Variants in MICU3 observed in about 807,000 individuals in gnomAD.
MICU3 encodes the protein mitochondrial calcium uptake 3.
In MICU3, 62 loss-of-function variants were observed where a neutral mutation model predicts 66.5. The ratio of observed to expected loss-of-function variants is 0.93; its 90% confidence interval spans 0.76 to 1.15. MICU3 has a LOEUF of 1.15. MICU3 is among the 50% of genes most tolerant of loss of function. The pLI, the probability that MICU3 is intolerant of heterozygous loss-of-function variation, is 0.00. For synonymous variants in MICU3, 308 were observed against 240.7 expected (o/e 1.28, Z -2.59); for missense variants, 779 against 664.4 (o/e 1.17, Z -1.90).
In MICU3 at chr8:17,100,575, G is replaced by T. The variant is rs186822315; in HGVS notation, c.984+2022G>T. On this transcript the variant is annotated intron_variant, in intron 9 of 14. Coordinates refer to ENST00000318063, the MANE Select transcript of MICU3 (RefSeq NM_181723.3). Reference sequence around the variant, plus strand: ...AGGATTCAAATTGGTTCAGAAAGAAGGCTTGGAAATCTATTTGTTATATGT... The same window carrying T: ...AGGATTCAAATTGGTTCAGAAAGAATGCTTGGAAATCTATTTGTTATATGT... Among the ~76,000 whole-genome samples, 15 of 151,588 alleles carry T rather than the reference G, an allele frequency of 9.9e-5. No homozygotes were observed. The East Asian group carries it at 2.7e-3, about 27-fold the overall frequency.
intron 1 of MICU3, among the ~76,000 whole-genome samples, chr8:17,039,009 C>T (rs1813565192): frequency 6.6e-6 from 1 of 151,562 alleles, no homozygotes; most frequent in Non-Finnish European, 1.5e-5. Context: ...ATTGACACAG[C>T]CACCTCAAAT....
chr8:17,125,179 T>G (rs933979280), downstream of MICU3, among the ~76,000 whole-genome samples: 2 of 151,032 alleles, frequency 1.3e-5, no homozygotes, highest in Non-Finnish European at 2.9e-5. Context: ...GTTCATGTCT[T>G]TGTCTTTTTA....
intron 11 of MICU3, among the ~76,000 whole-genome samples, chr8:17,109,729 A>G (rs1802033749): frequency 6.6e-6 from 1 of 152,190 alleles, no homozygotes; most frequent in African/African-American, 2.4e-5. Flanking sequence ...ACAAGTGAAT[A>G]TATTAAATAA....
intron 8 of MICU3, among the ~76,000 whole-genome samples, chr8:17,091,093 T>C (rs975500295): frequency 2.0e-5 from 3 of 152,144 alleles, no homozygotes; most frequent in Admixed American, 6.6e-5. Flanking sequence ...AAATCTGGTG[T>C]AAGCTGCTAC....
At chr8:17,137,538 A>AAG in the MICU3 span, among the ~76,000 whole-genome samples, 18 of 139,326 alleles carry the variant, frequency 1.3e-4, no homozygotes, top group African/African-American at 4.4e-4. Flanking sequence ...AAAAAAAAAA[A>AAG]GGGGGCCCTG....
At chr8:17,126,048 A>C (rs934467422), downstream of MICU3, among the ~76,000 whole-genome samples, 2 of 151,570 alleles carry the variant, frequency 1.3e-5, no homozygotes, top group Admixed American at 6.6e-5. Flanking sequence ...AAAAAAAAAA[A>C]AAAACCTCTC....
chr8:17,099,041 C>T (rs1016675855), intron 9 of MICU3, among the ~76,000 whole-genome samples: 1 of 151,578 alleles, frequency 6.6e-6, no homozygotes, highest in African/African-American at 2.4e-5. Flanking sequence ...ATTGCCAGTG[C>T]ATAGTGAAAA....
At chr8:17,053,225 A>C (rs904986972) in intron 1 of MICU3, among the ~76,000 whole-genome samples, 25 of 152,246 alleles carry the variant, frequency 1.6e-4, no homozygotes, top group Middle Eastern at 6.8e-3. Context: ...CAGTTTAGAT[A>C]ATTGATATAA....
chr8:17,085,795 A>G (rs1239222505), intron 6 of MICU3, among the ~76,000 whole-genome samples: 2 of 151,978 alleles, frequency 1.3e-5, no homozygotes, highest in African/African-American at 4.8e-5. Flanking sequence ...ATCTTTGACC[A>G]TAGGCTGATA....
intron 8 of MICU3, among the ~76,000 whole-genome samples, chr8:17,093,201 A>T (rs569437932): frequency 6.6e-6 from 1 of 152,118 alleles, no homozygotes; most frequent in South Asian, 2.1e-4. Flanking sequence ...TAATTTCATC[A>T]TTGCACAGTG....
chr8:17,064,089 T>C lies in MICU3; in HGVS notation c.387T>C (p.Ala129=). Residue 129 remains alanine (A), a synonymous_variant, in exon 2 of 15, where the codon GCT becomes GCC. Transcript: ENST00000318063. ...IPVAAAKETV[A]IGRTDIEDLD... The stretch of plus-strand genomic sequence containing the variant: ...ATTTGCTTTCTTAACTTTAGGTTGC[T>C]ATTGGCAGAACAGACATTGAAGACT... 1 of 1,608,884 alleles carries C rather than the reference T, an allele frequency of 6.2e-7. No homozygotes were observed. The highest frequency in any genetic ancestry group is 8.5e-7 in the Non-Finnish European group (1 of 1,177,390).
intron 1 of MICU3, among the ~76,000 whole-genome samples, chr8:17,054,913 A>G (rs899984109): frequency 1.3e-5 from 2 of 151,198 alleles, no homozygotes; most frequent in Non-Finnish European, 3.0e-5. Context: ...TAATTTTTGT[A>G]TTTTTAGTAG....
At chr8:17,126,381 A>C (rs1461415456), downstream of MICU3, among the ~76,000 whole-genome samples, 1 of 152,170 alleles carries the variant, frequency 6.6e-6, no homozygotes, top group Non-Finnish European at 1.5e-5. Context: ...GTCCTTGAGA[A>C]AGAAACCTAT....
In MICU3 at chr8:17,027,246, C is replaced by G; in HGVS notation, c.-34C>G. The G allele has an allele frequency of 1.1e-6, 1 of 906,746 alleles. No homozygotes were observed. The highest frequency in any genetic ancestry group is 1.5e-6 in the Non-Finnish European group (1 of 684,140). 56.2% of individuals were successfully genotyped at this position (906,746 alleles called of 1,614,324 possible). A position where few individuals can be genotyped will look rare whatever the true frequency, so the allele number is the denominator to read the frequency against. On this transcript the variant is annotated 5_prime_UTR_variant, in exon 1 of 15. Coordinates refer to ENST00000318063, the MANE Select transcript of MICU3 (RefSeq NM_181723.3). ...CCCGCCCCCGCCCCTCCGTTCTCTG[C>G]CCCCTCCCAGCTCTGGTGTGGGCGG... is the stretch of plus-strand genomic sequence containing the variant.
At chr8:17,075,978 A>T (rs538758793) in intron 3 of MICU3, among the ~76,000 whole-genome samples, 9 of 152,164 alleles carry the variant, frequency 5.9e-5, no homozygotes, top group Admixed American at 1.3e-4. Context: ...TACAATAGAG[A>T]TGGTATAAAT....
Position 17,085,173 on chromosome 8 carries a change from G to A in MICU3, c.695-63G>A, listed in dbSNP as rs894796883. ...ATATGAGTAACTTTACAACTAATAT[G>A]GATTTTGTACTTTAAAATACATTTT... On this transcript the variant is annotated intron_variant, in intron 5 of 14. Coordinates refer to ENST00000318063, the MANE Select transcript of MICU3 (RefSeq NM_181723.3). The A allele has an allele frequency of 4.6e-6, 5 of 1,093,420 alleles. No individual in the cohort carries two copies. In the African/African-American group the frequency reaches 7.8e-5, roughly 17 times the overall value. The allele number at this position is 1,093,420 out of a possible 1,614,324, so 67.7% of individuals were successfully genotyped here.
chr8:17,103,462 G>C (rs1043592880), intron 9 of MICU3, among the ~76,000 whole-genome samples: 2 of 151,776 alleles, frequency 1.3e-5, no homozygotes, highest in Non-Finnish European at 2.9e-5. Context: ...TAAAAAATAG[G>C]ATTATTTAAA....
At chr8:17,108,110 G>A (rs192173314) in intron 11 of MICU3, among the ~76,000 whole-genome samples, 19 of 152,254 alleles carry the variant, frequency 1.2e-4, no homozygotes, top group Admixed American at 1.2e-3. Context: ...AACTCCTAGG[G>A]CTTTGGCTTG....
intron 9 of MICU3, chr8:17,102,323 C>T (rs774092672): frequency 5.3e-5 from 8 of 151,842 alleles, no homozygotes; most frequent in Non-Finnish European, 8.8e-5. Context: ...AGATAATAAA[C>T]TTATTAAGCT....
Sources: gnomAD v4.1 joint callset for allele counts (sites outside exome capture counted in the v4.1 genomes callset) on GRCh38, gnomAD v4.1.1 for gene constraint, MANE v1.5 for transcripts, NCBI Gene and HGNC (gene_info 2026-07-23, HGNC 2026-07-21) for gene names.